RAB21: variants seen among roughly 807,000 people sequenced by gnomAD.
RAB21 encodes RAB21, member RAS oncogene family, also known as ras-related protein Rab-21.
In RAB21, 13 loss-of-function variants were observed where a neutral mutation model predicts 33.1. The observed-to-expected ratio is 0.39, with a 90% confidence interval of 0.26 to 0.62. The LOEUF is 0.62. RAB21 is among the 20% of genes least tolerant of loss of function. The pLI is 0.48. For missense variants in RAB21, 234 were observed against 279.1 expected (o/e 0.84, Z 1.15); for synonymous variants, 91 against 103.7 (o/e 0.88, Z 0.74).
At position 71,790,040 on chromosome 12, in the gene RAB21, T is replaced by C. The variant is rs747533501; in HGVS notation, c.*4367T>C. ...CAGTTCTTGTGCTATCTAGGATTTA[T>C]ACATTTTTGCTTTTCTGGAAAACTG... On this transcript the variant is annotated 3_prime_UTR_variant, in exon 7 of 7. Transcript: ENST00000261263. 1 of 152,220 alleles carries C rather than the reference T, an allele frequency of 6.6e-6. No individual in the cohort carries two copies. Among genetic ancestry groups the C allele is most frequent in the Non-Finnish European group, 1.5e-5 (1 of 68,026 alleles). The allele number at this position is 152,220 out of a possible 1,614,324, so 9.4% of individuals were successfully genotyped here. A position where few individuals can be genotyped will look rare whatever the true frequency, so the allele number is the denominator to read the frequency against.
At chr12:71,783,626 G>A (rs955823286) in intron 6 of RAB21, among the ~76,000 whole-genome samples, 15 of 152,086 alleles carry the variant, frequency 9.9e-5, no homozygotes, top group Admixed American at 5.2e-4. Flanking sequence ...CAAGCCTGCC[G>A]AATCAGAATT....
At chr12:71,761,582 G>A (rs1746470561) in intron 1 of RAB21, among the ~76,000 whole-genome samples, 1 of 152,152 alleles carries the variant, frequency 6.6e-6, no homozygotes, top group Non-Finnish European at 1.5e-5. Context: ...GGAGGCTAAG[G>A]AAGGAGAATC....
At position 71,796,132 on chromosome 12, in the gene RAB21, G is replaced by A. The variant is rs1434706727; in HGVS notation, c.*10459G>A. On this transcript the variant is annotated 3_prime_UTR_variant, in exon 7 of 7. Transcript: ENST00000261263. ...AGGAAAAGAGGCAAAGCATAGAATAGCCTCTGTGGTATACACACAGACAAT... is the reference window on the plus strand; with the variant it reads ...AGGAAAAGAGGCAAAGCATAGAATAACCTCTGTGGTATACACACAGACAAT... 3 of 137,440 alleles carry A rather than the reference G, an allele frequency of 2.2e-5. No individual in the cohort carries two copies. The highest frequency in any genetic ancestry group is 3.0e-5 in the Non-Finnish European group (2 of 65,934). 8.5% of individuals were successfully genotyped at this position (137,440 alleles called of 1,614,324 possible). A position where few individuals can be genotyped will look rare whatever the true frequency, so the allele number is the denominator to read the frequency against.
intron 6 of RAB21, among the ~76,000 whole-genome samples, chr12:71,784,575 C>A (rs1592650979): frequency 6.6e-6 from 1 of 150,890 alleles, no homozygotes; most frequent in African/African-American, 2.4e-5. Context: ...TGAAAATATT[C>A]TTTCTTCATT....
intron 4 of RAB21, among the ~76,000 whole-genome samples, chr12:71,775,250 C>G (rs1292034264): frequency 1.3e-5 from 2 of 152,162 alleles, no homozygotes; most frequent in African/African-American, 4.8e-5. Flanking sequence ...CCTCATAATC[C>G]TATGAGGGTT....
Position 71,792,963 on chromosome 12 carries a change from G to A in RAB21, c.*7290G>A, listed in dbSNP as rs1234454710. The A allele has an allele frequency of 6.6e-6, 1 of 152,218 alleles. No homozygotes were observed. Among genetic ancestry groups the A allele is most frequent in the East Asian group, 1.9e-4 (1 of 5,200 alleles). 9.4% of individuals were successfully genotyped at this position (152,218 alleles called of 1,614,324 possible). On this transcript the variant is annotated 3_prime_UTR_variant, in exon 7 of 7. Coordinates refer to ENST00000261263, the MANE Select transcript of RAB21 (RefSeq NM_014999.4). ...AAGCTGACAGTGAATTTGAGGTAAA[G>A]CTGGAAAGAATGTTTTTGAATTTTG... is the stretch of plus-strand genomic sequence containing the variant.
intron 3 of RAB21, among the ~76,000 whole-genome samples, chr12:71,773,260 A>G (rs907101244): frequency 6.6e-6 from 1 of 152,232 alleles, no homozygotes; most frequent in East Asian, 1.9e-4. Flanking sequence ...GAGTTACTGT[A>G]TATCATTGGT....
At chr12:71,761,044 A>T (rs1882865680) in intron 1 of RAB21, among the ~76,000 whole-genome samples, 1 of 129,868 alleles carries the variant, frequency 7.7e-6, no homozygotes, top group South Asian at 2.2e-4. Context: ...ATCTCTAGTT[A>T]AAAAAAAAAA....
chr12:71,791,858 A>T lies in RAB21; in HGVS notation c.*6185A>T, dbSNP rs551922705. 6.6e-6 allele frequency: 1 copy of T among 152,188 alleles called. No individual in the cohort carries two copies. The highest frequency in any genetic ancestry group is 1.5e-5 in the Non-Finnish European group (1 of 68,040). 9.4% of individuals were successfully genotyped at this position (152,188 alleles called of 1,614,324 possible). On this transcript the variant is annotated 3_prime_UTR_variant, in exon 7 of 7. Transcript: ENST00000261263. ...ATTTACCAAGGCCAACTAGAATCAT[A>T]CTTCTTTTTCTGGAAGTTTTTTTTG...
chr12:71,780,336 G>A (rs902778264), intron 4 of RAB21, among the ~76,000 whole-genome samples: 2 of 152,174 alleles, frequency 1.3e-5, no homozygotes, highest in African/African-American at 4.8e-5. Flanking sequence ...GCTACTTTTA[G>A]TAGGAGACTA....
chr12:71,799,057 C>A lies in RAB21; in HGVS notation c.*13384C>A, dbSNP rs951771598. The A allele has an allele frequency of 6.6e-6, 1 of 152,304 alleles. No homozygotes were observed. The highest frequency in any genetic ancestry group is 6.5e-5 in the Admixed American group (1 of 15,282). 9.4% of individuals were successfully genotyped at this position (152,304 alleles called of 1,614,324 possible). On this transcript the variant is annotated 3_prime_UTR_variant, in exon 7 of 7. Transcript: ENST00000261263. ...CATGCAGCAGTGATCAAGTGTCTATCGTTCAGCTTCCTGAATATGGATAGG... is the reference window on the plus strand; with the variant it reads ...CATGCAGCAGTGATCAAGTGTCTATAGTTCAGCTTCCTGAATATGGATAGG...
rs1162626212 is a variant in RAB21, at chr12:71,786,656, A to G, written c.*983A>G. 6.6e-6 allele frequency: 1 copy of G among 152,656 alleles called. No homozygotes were observed. Among genetic ancestry groups the G allele is most frequent in the Non-Finnish European group, 1.5e-5 (1 of 68,038 alleles). The allele number at this position is 152,656 out of a possible 1,614,324, so 9.5% of individuals were successfully genotyped here. ...GAATTAACATTTGGTGATTATGCCT[A>G]GCTTTTTTGACTAATATAAAGATCA... On this transcript the variant is annotated 3_prime_UTR_variant, in exon 7 of 7. Transcript: ENST00000261263.
chr12:71,782,283 A>G, intron 5 of RAB21, 198 bp downstream of exon 5: 1 of 574,314 alleles, frequency 1.7e-6, no homozygotes, highest in East Asian at 2.9e-5. Context: ...TTCAGTGAAA[A>G]ATACGAGTGA....
At position 71,792,533 on chromosome 12, in the gene RAB21, C is replaced by G. The variant is rs190949675; in HGVS notation, c.*6860C>G. The G allele has an allele frequency of 1.9e-4, 29 of 152,082 alleles. No homozygotes were observed. The highest frequency in any genetic ancestry group is 7.0e-4 in the African/African-American group (29 of 41,470). 9.4% of individuals were successfully genotyped at this position (152,082 alleles called of 1,614,324 possible). ...TATGACACAAGGTTAAACGTGTGCC[C>G]CAGAACAAATGCATTTATTCATGTT... On this transcript the variant is annotated 3_prime_UTR_variant, in exon 7 of 7. Transcript: ENST00000261263.
At position 71,798,002 on chromosome 12, in the gene RAB21, A is replaced by G. The variant is rs1225725802; in HGVS notation, c.*12329A>G. 6.6e-6 allele frequency: 1 copy of G among 152,210 alleles called. No individual in the cohort carries two copies. Among genetic ancestry groups the G allele is most frequent in the Non-Finnish European group, 1.5e-5 (1 of 68,034 alleles). 9.4% of individuals were successfully genotyped at this position (152,210 alleles called of 1,614,324 possible). A position where few individuals can be genotyped will look rare whatever the true frequency, so the allele number is the denominator to read the frequency against. The stretch of plus-strand genomic sequence containing the variant: ...ATTTTTAAAGATTTTAGTGTGGTAA[A>G]GGATTTCCTGAATTTGATATAAAAT... On this transcript the variant is annotated 3_prime_UTR_variant, in exon 7 of 7. Transcript: ENST00000261263.
intron 3 of RAB21, 27 bp downstream of exon 3, chr12:71,770,726 A>G (rs773460706): frequency 7.1e-7 from 1 of 1,409,418 alleles, no homozygotes; most frequent in Non-Finnish European, 9.9e-7. Flanking sequence ...TAGATGTCTT[A>G]GAAGAACAAT....
Position 71,769,856 on chromosome 12 carries a change from A to G in RAB21, c.216A>G (p.Ile72Met). 7.3e-7 allele frequency: 1 copy of G among 1,365,282 alleles called. No homozygotes were observed. The highest frequency in any genetic ancestry group is 9.7e-7 in the Non-Finnish European group (1 of 1,033,806). The allele number at this position is 1,365,282 out of a possible 1,614,324, so 84.6% of individuals were successfully genotyped here. The part of the protein sequence containing the change: ...NIGGKRVNLA[I>M]WDTAGQERFH... ...GTGGGAAAAGAGTAAACCTTGCCAT[A>G]TGGGTAAGTGAACTTTTTCAACTAT... is the stretch of plus-strand genomic sequence containing the variant. Residue 72 changes from isoleucine (I) to methionine (M), a missense_variant, in exon 2 of 7, where the codon ATA becomes ATG. Ile to Met is a conservative substitution (Grantham distance 10). Coordinates refer to ENST00000261263, the MANE Select transcript of RAB21 (RefSeq NM_014999.4).
intron 1 of RAB21, among the ~76,000 whole-genome samples, chr12:71,765,153 G>T (rs187608526): frequency 6.6e-6 from 1 of 152,038 alleles, no homozygotes; most frequent in Non-Finnish European, 1.5e-5. Flanking sequence ...GGTCATTCTT[G>T]TAGGAGTAAG....
chr12:71,755,362 C>T (rs1452091607), intron 1 of RAB21, 74 bp downstream of exon 1: 2 of 1,400,412 alleles, frequency 1.4e-6, no homozygotes, highest in Non-Finnish European at 1.9e-6. Flanking sequence ...CTTTGCCGCC[C>T]TGGTCCCCTG....
Sources: allele counts gnomAD v4.1 joint callset (sites outside exome capture counted in the v4.1 genomes callset), GRCh38; gene constraint gnomAD v4.1.1; transcripts MANE v1.5; gene names NCBI Gene and HGNC (gene_info 2026-07-23, HGNC 2026-07-21).